The following KCNMA1 variants were observed in gnomAD, a reference collection of about 807,000 sequenced individuals.
The protein encoded by KCNMA1 is potassium calcium-activated channel subfamily M alpha 1, also known as Calcium-activated potassium channel subunit alpha-1.
KCNMA1 carries 29 observed loss-of-function variants against 140.0 expected under a neutral mutation model. The observed-to-expected ratio is 0.21, with a 90% CI of 0.15 to 0.28. The LOEUF (loss-of-function observed/expected upper bound fraction) is 0.28. KCNMA1 is among the 10% of genes least tolerant of loss of function. The probability of loss-of-function intolerance (pLI) is 1.00; values close to 1 mark genes in which losing one functional copy is unlikely to be tolerated. For missense variants in KCNMA1, 880 were observed against 1,602.2 expected (o/e 0.55, Z 7.70); for synonymous variants, 612 against 611.9 (o/e 1.00, Z 0.00).
intron 18 of KCNMA1, 141 bp downstream of exon 18, chr10:77,011,826 C>G: frequency 1.3e-6 from 1 of 767,106 alleles, no homozygotes; most frequent in Admixed American, 2.2e-5. Flanking sequence ...TTTCATATTT[C>G]TTTAAACTGC....
At chr10:77,493,102 A>G (rs2040534079) in intron 1 of KCNMA1, among the ~76,000 whole-genome samples, 1 of 152,236 alleles carries the variant, frequency 6.6e-6, no homozygotes, top group Non-Finnish European at 1.5e-5. Flanking sequence ...GATTTCCCAC[A>G]GTTCCTGGCA....
intron 2 of KCNMA1, among the ~76,000 whole-genome samples, chr10:77,354,100 C>T (rs2093236113): frequency 6.6e-6 from 1 of 152,162 alleles, no homozygotes; most frequent in Admixed American, 6.5e-5. Flanking sequence ...GATTCTCCTG[C>T]CTCAGCCTCC....
chr10:77,492,314 A>G (rs1418578047), intron 1 of KCNMA1, among the ~76,000 whole-genome samples: 1 of 152,118 alleles, frequency 6.6e-6, no homozygotes, highest in African/African-American at 2.4e-5. Context: ...CATCTCTCAT[A>G]ACCCAGCCCC....
At chr10:76,890,946 G>C (rs1413542641) in intron 26 of KCNMA1, among the ~76,000 whole-genome samples, 1 of 152,186 alleles carries the variant, frequency 6.6e-6, no homozygotes, top group African/African-American at 2.4e-5. Context: ...GGTGGTTCTG[G>C]ATACATCTGA....
At chr10:77,161,654 T>C (rs1328921683) in intron 5 of KCNMA1, among the ~76,000 whole-genome samples, 1 of 152,200 alleles carries the variant, frequency 6.6e-6, no homozygotes, top group Non-Finnish European at 1.5e-5. Context: ...TGAATTCAGT[T>C]ATGAGTGTGT....
At chr10:77,559,935 T>C (rs1240354481) in intron 1 of KCNMA1, among the ~76,000 whole-genome samples, 13 of 151,924 alleles carry the variant, frequency 8.6e-5, no homozygotes, top group African/African-American at 1.9e-4. Flanking sequence ...CCCAGCACTT[T>C]GGGAGGCTGA....
chr10:76,908,327 C>A (rs1192910663), intron 25 of KCNMA1, among the ~76,000 whole-genome samples: 1 of 152,168 alleles, frequency 6.6e-6, no homozygotes, highest in Non-Finnish European at 1.5e-5. Flanking sequence ...AGATCATGAG[C>A]CCCAGGAAAC....
intron 19 of KCNMA1, chr10:76,979,402 A>G (rs2078710438): frequency 6.6e-6 from 1 of 152,138 alleles, no homozygotes; most frequent in Non-Finnish European, 1.5e-5. Flanking sequence ...CACAATGTTG[A>G]TTTACATTTC....
chr10:77,440,959 C>T (rs1301700617), intron 1 of KCNMA1, among the ~76,000 whole-genome samples: 1 of 152,016 alleles, frequency 6.6e-6, no homozygotes, highest in Non-Finnish European at 1.5e-5. Flanking sequence ...GCTGGGACTG[C>T]AGGCGCCAGC....
chr10:77,161,140 G>A lies in KCNMA1; in HGVS notation c.808+22281C>T, dbSNP rs139958676. ...ATGACAGCCTTCAAGGACAGATGTG[G>A]GATAAGGAAATAAATAACAGCTGTT... On this transcript the variant is annotated intron_variant, in intron 5 of 27. Transcript: ENST00000286628. Among the ~76,000 whole-genome samples the A allele has an allele frequency of 1.5e-4, 23 of 152,244 alleles. 1 individual carries two copies. Among genetic ancestry groups the A allele is most frequent in the African/African-American group, 5.5e-4 (23 of 41,546 alleles).
At chr10:77,480,601 C>G (rs1304402780) in intron 1 of KCNMA1, among the ~76,000 whole-genome samples, 1 of 152,136 alleles carries the variant, frequency 6.6e-6, no homozygotes, top group Non-Finnish European at 1.5e-5. Context: ...CTAAGCTTGC[C>G]CAGAAGGTGC....
intron 5 of KCNMA1, among the ~76,000 whole-genome samples, chr10:77,158,323 G>A (rs1019530511): frequency 6.6e-6 from 1 of 152,106 alleles, no homozygotes; most frequent in African/African-American, 2.4e-5. Flanking sequence ...ACTCCTTTAG[G>A]TAGTGAAGGC....
chr10:77,169,784 T>C (rs938332897), intron 5 of KCNMA1, among the ~76,000 whole-genome samples: 1 of 152,190 alleles, frequency 6.6e-6, no homozygotes, highest in Non-Finnish European at 1.5e-5. Context: ...ATGAGCTGGG[T>C]TGCTAAATTC....
At chr10:77,386,872 T>C (rs2095620598) in intron 2 of KCNMA1, among the ~76,000 whole-genome samples, 1 of 152,066 alleles carries the variant, frequency 6.6e-6, no homozygotes, top group Non-Finnish European at 1.5e-5. Context: ...TGAGCATGAA[T>C]AGCTAAGAGA....
chr10:77,104,123 T>A (rs1031030408), intron 9 of KCNMA1, among the ~76,000 whole-genome samples: 3 of 152,178 alleles, frequency 2.0e-5, no homozygotes, highest in African/African-American at 7.2e-5. Flanking sequence ...TCATTCCAAA[T>A]GGAGATGATG....
intron 22 of KCNMA1, 27 bp downstream of exon 22, chr10:76,949,115 G>A (rs2152942213): frequency 1.4e-6 from 2 of 1,472,968 alleles, no homozygotes; most frequent in Middle Eastern, 1.7e-4. Flanking sequence ...AGAAGAAAAG[G>A]CATCAATAAT....
chr10:77,112,442 A>C lies in KCNMA1; in HGVS notation c.885T>G (p.Ser295Arg). 6.2e-7 allele frequency: 1 copy of C among 1,612,894 alleles called. No individual in the cohort carries two copies. Among genetic ancestry groups the C allele is most frequent in the Non-Finnish European group, 8.5e-7 (1 of 1,178,936 alleles). Residue 295 changes from serine (S) to arginine (R), a missense_variant and splice_region_variant, in exon 7 of 28, where the codon AGT becomes AGG. Around this residue, in one of 13 missense-constraint regions of KCNMA1, gnomAD observed 198 missense variants for 580.1 expected, o/e 0.34. Coordinates refer to ENST00000286628, the MANE Select transcript of KCNMA1 (RefSeq NM_001161352.2). ...ILQFLNILKT[S>R]NSIKLVNLLS... ...GCAGATTCACCAGCTTGATGGAATT[A>C]CTGTGCAAGAGACAACAAGCAAAAT...
intron 20 of KCNMA1, among the ~76,000 whole-genome samples, chr10:76,958,220 G>A (rs548732730): frequency 5.9e-5 from 9 of 152,318 alleles, no homozygotes; most frequent in African/African-American, 1.9e-4. Context: ...AGGTGATAGA[G>A]ACCCACTTCC....
chr10:77,388,745 T>A (rs1269584803), intron 2 of KCNMA1, among the ~76,000 whole-genome samples: 1 of 152,218 alleles, frequency 6.6e-6, no homozygotes, highest in East Asian at 1.9e-4. Context: ...AAACTGGTTA[T>A]TTATTTATTT....
Sources: gnomAD v4.1 joint callset for allele counts (sites outside exome capture counted in the v4.1 genomes callset) on GRCh38, gnomAD v4.1.1 for gene constraint, gnomAD v4.1.1 regional missense constraint, MANE v1.5 for transcripts, NCBI Gene and HGNC (gene_info 2026-07-23, HGNC 2026-07-21) for gene names.